NELL1: variants seen among roughly 807,000 people sequenced by gnomAD.
NELL1 encodes the protein protein kinase C-binding protein NELL1.
Under a neutral mutation model 107.4 loss-of-function variants are expected in NELL1, and 76 were observed. The observed-to-expected ratio is 0.71, with a 90% CI of 0.59 to 0.86. NELL1 has a LOEUF of 0.86. NELL1 is among the 40% of genes least tolerant of loss of function. The probability of loss-of-function intolerance (pLI) is 0.00; values close to 1 mark genes in which losing one functional copy is unlikely to be tolerated. For missense variants in NELL1, 1,024 were observed against 1,005.5 expected (o/e 1.02, Z -0.25); for synonymous variants, 353 against 341.2 (o/e 1.03, Z -0.38).
intron 2 of NELL1, among the ~76,000 whole-genome samples, chr11:20,747,201 CTG>C (rs1856024095): frequency 6.6e-6 from 1 of 152,142 alleles, no homozygotes; most frequent in Admixed American, 6.6e-5. Context: ...GGCAATGTAT[CTG>C]TGTATAAAGA....
At chr11:21,382,443 A>G (rs1161557901) in intron 15 of NELL1, among the ~76,000 whole-genome samples, 1 of 151,982 alleles carries the variant, frequency 6.6e-6, no homozygotes, top group Non-Finnish European at 1.5e-5. Flanking sequence ...CATTTGATAA[A>G]TGAATAAATG....
chr11:21,570,940 G>C lies in NELL1; in HGVS notation c.2157G>C (p.Leu719=), dbSNP rs749645610. Reference sequence around the variant, plus strand: ...ATAGCTGTCAGCAGTGTCGGTGTCTGGTATGTTGGCTTCCTTTATAAGGTG... The same window carrying C: ...ATAGCTGTCAGCAGTGTCGGTGTCTCGTATGTTGGCTTCCTTTATAAGGTG... ...WTHSCQQCRC[L]EGEVDCWPLT... is the part of the protein sequence containing the mutation. The change falls in exon 18 of 20, where the codon CTG becomes CTC. Residue 719 remains leucine (L), a splice_region_variant and synonymous_variant. Transcript: ENST00000357134. 1.2e-6 allele frequency: 2 copies of C among 1,610,144 alleles called. No individual in the cohort carries two copies. The highest frequency in any genetic ancestry group is 1.7e-5 in the Admixed American group (1 of 59,794).
intron 14 of NELL1, among the ~76,000 whole-genome samples, chr11:21,309,588 G>A (rs887220407): frequency 6.6e-6 from 1 of 151,690 alleles, no homozygotes; most frequent in Non-Finnish European, 1.5e-5. Context: ...GTTGCTTATT[G>A]TATTAGTCCA....
chr11:21,099,220 C>CACACAA (rs1854736520), intron 12 of NELL1, among the ~76,000 whole-genome samples: 4 of 142,268 alleles, frequency 2.8e-5, no homozygotes, highest in Non-Finnish European at 6.1e-5. Flanking sequence ...CACACACACA[C>CACACAA]ACACACACAC....
intron 14 of NELL1, among the ~76,000 whole-genome samples, chr11:21,261,893 G>A (rs1056081503): frequency 6.6e-6 from 1 of 151,704 alleles, no homozygotes; most frequent in Non-Finnish European, 1.5e-5. Context: ...TGGTGTTTTC[G>A]TTCAGATCTT....
intron 4 of NELL1, among the ~76,000 whole-genome samples, chr11:20,863,199 C>A (rs1310183466): frequency 7.2e-6 from 1 of 139,346 alleles, no homozygotes; most frequent in Non-Finnish European, 1.5e-5. Context: ...CCCCTCACCT[C>A]CCGGACGGGG....
intron 7 of NELL1, among the ~76,000 whole-genome samples, chr11:20,924,582 G>A (rs1850449956): frequency 1.3e-5 from 2 of 152,142 alleles, no homozygotes; most frequent in Admixed American, 1.3e-4. Flanking sequence ...TTTTAAGAAA[G>A]CTCAGATAGA....
intron 15 of NELL1, among the ~76,000 whole-genome samples, chr11:21,478,679 G>C (rs1854410539): frequency 1.4e-5 from 2 of 146,862 alleles, no homozygotes; most frequent in Non-Finnish European, 3.0e-5. Context: ...TAGAGAAATG[G>C]GGTCACACCA....
intron 4 of NELL1, among the ~76,000 whole-genome samples, chr11:20,877,435 A>T (rs1034003650): frequency 2.0e-5 from 3 of 152,228 alleles, no homozygotes; most frequent in Non-Finnish European, 2.9e-5. Context: ...ACCTTCCTTT[A>T]TCCAGGTAAA....
intron 12 of NELL1, among the ~76,000 whole-genome samples, chr11:21,036,919 A>G (rs563190538): frequency 7.0e-4 from 107 of 152,172 alleles, no homozygotes; most frequent in African/African-American, 2.4e-3. Context: ...CTATTATCTA[A>G]TGTTATTATT....
intron 13 of NELL1, chr11:21,169,814 C>A: frequency 1.4e-6 from 2 of 1,394,896 alleles, no homozygotes; most frequent in Non-Finnish European, 2.0e-6. Flanking sequence ...ACAGAATCAG[C>A]CTGCTGAGCC....
chr11:20,938,032 G>T (rs528183127), intron 10 of NELL1, among the ~76,000 whole-genome samples, 173 bp downstream of exon 10: 2 of 152,316 alleles, frequency 1.3e-5, no homozygotes, highest in East Asian at 1.9e-4. Flanking sequence ...GGCCATTTAT[G>T]TGGTTAGCTT....
At chr11:20,948,478 A>G (rs1554948859) in intron 11 of NELL1, among the ~76,000 whole-genome samples, 2 of 152,122 alleles carry the variant, frequency 1.3e-5, no homozygotes, top group Non-Finnish European at 2.9e-5. Flanking sequence ...CTCAAAATTG[A>G]TCTTTGTGTT....
chr11:21,061,529 G>A (rs1168119216), intron 12 of NELL1, among the ~76,000 whole-genome samples: 2 of 152,158 alleles, frequency 1.3e-5, no homozygotes, highest in Non-Finnish European at 2.9e-5. Context: ...CCTTGGACAA[G>A]GTATTTAACC....
At chr11:21,437,835 T>A (rs528936160) in intron 15 of NELL1, among the ~76,000 whole-genome samples, 62 of 152,350 alleles carry the variant, frequency 4.1e-4, no homozygotes, top group East Asian at 5.8e-4. Context: ...GGTCTTTTTT[T>A]AAAATCAGTT....
At chr11:20,855,525 G>T (rs1266817125) in intron 4 of NELL1, among the ~76,000 whole-genome samples, 1 of 152,122 alleles carries the variant, frequency 6.6e-6, no homozygotes, top group East Asian at 1.9e-4. Flanking sequence ...CCTGCCTTCA[G>T]TCACATCTCA....
intron 3 of NELL1, among the ~76,000 whole-genome samples, chr11:20,838,540 T>G (rs373175585): frequency 6.6e-6 from 1 of 151,958 alleles, no homozygotes; most frequent in Admixed American, 6.6e-5. Flanking sequence ...AAAAACTTTG[T>G]ACAAATACAT....
At chr11:21,192,317 A>G (rs1396427659) in intron 13 of NELL1, among the ~76,000 whole-genome samples, 1 of 151,918 alleles carries the variant, frequency 6.6e-6, no homozygotes, top group Non-Finnish European at 1.5e-5. Flanking sequence ...ATTAATTTTT[A>G]GTAAGTGAGA....
At chr11:21,338,887 A>G (rs989287428) in intron 14 of NELL1, among the ~76,000 whole-genome samples, 3 of 152,206 alleles carry the variant, frequency 2.0e-5, no homozygotes, top group Non-Finnish European at 4.4e-5. Flanking sequence ...GTGAATCCCC[A>G]GAAACATTTG....
Sources: gnomAD v4.1 joint callset for allele counts (sites outside exome capture counted in the v4.1 genomes callset) on GRCh38, gnomAD v4.1.1 for gene constraint, MANE v1.5 for transcripts, NCBI Gene and HGNC (gene_info 2026-07-23, HGNC 2026-07-21) for gene names.